ZNF469: variants seen among roughly 807,000 people sequenced by gnomAD.
The protein encoded by ZNF469 is zinc finger protein 469.
In ZNF469, 1 loss-of-function variant was observed where a neutral mutation model predicts 1.0. That is an observed-to-expected ratio of 1.00 (90% CI 0.35 to 4.73). The LOEUF (loss-of-function observed/expected upper bound fraction) is 4.73. ZNF469 is among the 30% of genes most tolerant of loss of function. The pLI, the probability that ZNF469 is intolerant of heterozygous loss-of-function variation, is 0.16. For synonymous variants in ZNF469, 2,703 were observed against 2,363.4 expected, an observed-to-expected ratio of 1.14 and a Z score of -4.17; for missense variants, 6,100 against 5,356.3, an observed-to-expected ratio of 1.14 and a Z score of -4.33.
chr16:88,368,333 C>T, the ZNF469 span, among the ~76,000 whole-genome samples: 1,163 of 152,350 alleles, frequency 7.6e-3, 13 homozygotes, highest in African/African-American at 0.027. Context: ...TGGACGCCAT[C>T]CCTGAGCCGG....
chr16:88,305,417 C>T, the ZNF469 span, among the ~76,000 whole-genome samples: 2 of 150,602 alleles, frequency 1.3e-5, no homozygotes, highest in Admixed American at 6.6e-5. Context: ...CACAGGCACA[C>T]ATGCACGCCC....
At chr16:88,159,483 G>T in the ZNF469 span, among the ~76,000 whole-genome samples, 1 of 152,144 alleles carries the variant, frequency 6.6e-6, no homozygotes, top group African/African-American at 2.4e-5. Context: ...GTGCACGGAA[G>T]CGCTTCAGGG....
chr16:88,142,160 C>T, the ZNF469 span, among the ~76,000 whole-genome samples: 1 of 152,222 alleles, frequency 6.6e-6, no homozygotes, highest in South Asian at 2.1e-4. Flanking sequence ...ACTGCAGGGC[C>T]ACGTTCAGCA....
the ZNF469 span, among the ~76,000 whole-genome samples, chr16:88,150,164 G>T: frequency 1.3e-5 from 2 of 152,118 alleles, no homozygotes; most frequent in South Asian, 2.1e-4. Context: ...ACAAAAATTA[G>T]TTGGGTGTAG....
chr16:88,257,301 A>G, the ZNF469 span, among the ~76,000 whole-genome samples: 1 of 151,356 alleles, frequency 6.6e-6, no homozygotes, highest in Non-Finnish European at 1.5e-5. Context: ...CCATCTGTGT[A>G]TCTTCTTTGG....
At chr16:88,205,298 C>T in the ZNF469 span, among the ~76,000 whole-genome samples, 10 of 152,234 alleles carry the variant, frequency 6.6e-5, no homozygotes, top group Admixed American at 2.6e-4. The surrounding 1 kb of genome is among the most constrained non-coding windows in gnomAD (Gnocchi z 4.2). Flanking sequence ...CCGGCTTCCT[C>T]GAAGGGTTTT....
the ZNF469 span, among the ~76,000 whole-genome samples, chr16:88,251,160 G>A: frequency 6.6e-6 from 1 of 152,332 alleles, no homozygotes; most frequent in African/African-American, 2.4e-5. Context: ...TTACAGGCAT[G>A]AGCCACCGCG....
chr16:88,254,917 A>G, the ZNF469 span, among the ~76,000 whole-genome samples: 13 of 152,022 alleles, frequency 8.6e-5, no homozygotes, highest in African/African-American at 3.1e-4. Context: ...TTAACATTGT[A>G]ATGGTATTGA....
At chr16:88,214,950 C>G in the ZNF469 span, among the ~76,000 whole-genome samples, 5 of 152,184 alleles carry the variant, frequency 3.3e-5, no homozygotes, top group Non-Finnish European at 7.3e-5. Context: ...GGATTGACCA[C>G]TTTATCTGCA....
At chr16:88,376,557 G>A in the ZNF469 span, among the ~76,000 whole-genome samples, 4 of 152,368 alleles carry the variant, frequency 2.6e-5, no homozygotes, top group East Asian at 5.8e-4. Context: ...GCCGCTGGCT[G>A]GGGTTCCCGC....
the ZNF469 span, among the ~76,000 whole-genome samples, chr16:88,185,419 G>A: frequency 6.6e-6 from 1 of 152,138 alleles, no homozygotes; most frequent in African/African-American, 2.4e-5. Context: ...ATACTCACAT[G>A]AATACAATAG....
the ZNF469 span, among the ~76,000 whole-genome samples, chr16:88,284,926 G>A: frequency 6.6e-6 from 1 of 152,372 alleles, no homozygotes; most frequent in African/African-American, 2.4e-5. Context: ...CATGCAGGAA[G>A]AATTTTGTTT....
At chr16:88,372,110 TCACCACCATC>T in the ZNF469 span, among the ~76,000 whole-genome samples, 1 of 35,692 alleles carries the variant, frequency 2.8e-5, no homozygotes. Context: ...ATCATCACCA[TCACCACCATC>T]ATCACCATCA....
the ZNF469 span, among the ~76,000 whole-genome samples, chr16:88,232,741 TC>T: frequency 6.6e-6 from 1 of 152,126 alleles, no homozygotes; most frequent in Admixed American, 6.5e-5. Context: ...CTGGGTCGGG[TC>T]TGTTTGGCAG....
At chr16:88,123,312 C>T in the ZNF469 span, among the ~76,000 whole-genome samples, 3 of 152,164 alleles carry the variant, frequency 2.0e-5, no homozygotes, top group African/African-American at 7.2e-5. Flanking sequence ...CGAGGTTTAT[C>T]CATGCAGTGT....
the ZNF469 span, among the ~76,000 whole-genome samples, chr16:88,322,679 C>T: frequency 3.3e-5 from 5 of 152,356 alleles, no homozygotes; most frequent in African/African-American, 1.2e-4. Flanking sequence ...GACTCCAGGA[C>T]TCAGTCAGGG....
chr16:88,287,485 T>A, the ZNF469 span, among the ~76,000 whole-genome samples: 1 of 152,182 alleles, frequency 6.6e-6, no homozygotes, highest in Non-Finnish European at 1.5e-5. Flanking sequence ...CAGCTCCAAG[T>A]CTCCCCACCT....
the ZNF469 span, among the ~76,000 whole-genome samples, chr16:88,263,619 C>T: frequency 6.6e-6 from 1 of 152,152 alleles, no homozygotes; most frequent in Non-Finnish European, 1.5e-5. Context: ...TGCTGAGAGG[C>T]TCAGAAGGGG....
the ZNF469 span, among the ~76,000 whole-genome samples, chr16:88,267,123 C>T: frequency 7.9e-4 from 121 of 152,318 alleles, 1 homozygote; most frequent in Non-Finnish European, 1.6e-3. Flanking sequence ...CTCACACTGG[C>T]TGGCGGCACC....
Sources: allele counts gnomAD v4.1 joint callset (sites outside exome capture counted in the v4.1 genomes callset), GRCh38; gene constraint gnomAD v4.1.1; non-coding constraint Gnocchi (gnomAD v3.1); transcripts MANE v1.5; gene names NCBI Gene and HGNC (gene_info 2026-07-23, HGNC 2026-07-21).